SGPP2: variants seen among roughly 807,000 people sequenced by gnomAD.
SGPP2 encodes sphingosine 1-phosphate phosphohydrolase 2.
Under a neutral mutation model 33.9 loss-of-function variants are expected in SGPP2, and 30 were observed. The observed-to-expected ratio is 0.89, with a 90% confidence interval of 0.66 to 1.20. The LOEUF (loss-of-function observed/expected upper bound fraction) is 1.20. Among genes scored for constraint, SGPP2 ranks in the 50% most tolerant of loss-of-function variants. The pLI is 0.00. For missense variants in SGPP2, 458 were observed against 532.1 expected (o/e 0.86, Z 1.37); for synonymous variants, 233 against 225.0 (o/e 1.04, Z -0.32).
chr2:222,433,903 G>T (rs1478853032), intron 1 of SGPP2, among the ~76,000 whole-genome samples: 2 of 152,158 alleles, frequency 1.3e-5, no homozygotes, highest in African/African-American at 4.8e-5. Context: ...CAGCCGGCCT[G>T]GTGTGATTTT....
At chr2:222,487,383 C>T (rs919584339) in intron 2 of SGPP2, among the ~76,000 whole-genome samples, 5 of 152,162 alleles carry the variant, frequency 3.3e-5, no homozygotes, top group Non-Finnish European at 4.4e-5. Context: ...TTACTAATAA[C>T]TAACAAATTG....
At chr2:222,494,431 A>G (rs1194473830) in intron 2 of SGPP2, among the ~76,000 whole-genome samples, 1 of 152,238 alleles carries the variant, frequency 6.6e-6, no homozygotes, top group Non-Finnish European at 1.5e-5. Flanking sequence ...TCCTTATGAA[A>G]TTTCAGAGAA....
intron 4 of SGPP2, among the ~76,000 whole-genome samples, chr2:222,557,262 TGGTTCAC>T (rs1418512693): frequency 1.3e-5 from 2 of 152,232 alleles, no homozygotes; most frequent in Non-Finnish European, 2.9e-5. Context: ...GGTGTATGTT[TGGTTCAC>T]GTGGATCCTC....
At chr2:222,512,160 C>T (rs910188224) in intron 2 of SGPP2, among the ~76,000 whole-genome samples, 2 of 151,946 alleles carry the variant, frequency 1.3e-5, no homozygotes, top group East Asian at 1.9e-4. Context: ...TACAGGCGCC[C>T]GCCACCACGC....
intron 4 of SGPP2, among the ~76,000 whole-genome samples, chr2:222,545,174 T>C (rs1353366417): frequency 6.6e-6 from 1 of 152,208 alleles, no homozygotes; most frequent in East Asian, 1.9e-4. Context: ...TTGCATTTAT[T>C]ATGATTTCTT....
intron 4 of SGPP2, among the ~76,000 whole-genome samples, chr2:222,541,191 C>T (rs1301275755): frequency 6.6e-6 from 1 of 152,148 alleles, no homozygotes; most frequent in Non-Finnish European, 1.5e-5. Context: ...GCATGGATGC[C>T]CACTTTCGTG....
chr2:222,531,439 A>G (rs1002046467), intron 4 of SGPP2, among the ~76,000 whole-genome samples: 27 of 152,206 alleles, frequency 1.8e-4, no homozygotes, highest in Admixed American at 1.5e-3. Context: ...GAAATCTTAT[A>G]TGATTCCACT....
chr2:222,537,016 T>C (rs566688902), intron 4 of SGPP2, among the ~76,000 whole-genome samples: 7 of 152,326 alleles, frequency 4.6e-5, no homozygotes, highest in African/African-American at 1.2e-4. Context: ...AATGAACTCC[T>C]TAGAAAAGAA....
intron 2 of SGPP2, among the ~76,000 whole-genome samples, chr2:222,499,681 C>T (rs1698337467): frequency 6.6e-6 from 1 of 151,978 alleles, no homozygotes; most frequent in African/African-American, 2.4e-5. Context: ...GGAAAGACAT[C>T]TTGCAACCAA....
intron 1 of SGPP2, among the ~76,000 whole-genome samples, chr2:222,462,403 C>T (rs2106085441): frequency 6.6e-6 from 1 of 152,232 alleles, no homozygotes; most frequent in South Asian, 2.1e-4. Flanking sequence ...TGACAAGACT[C>T]ATGCTCACGT....
chr2:222,505,925 ACT>A (rs1382523955), intron 2 of SGPP2, among the ~76,000 whole-genome samples: 56 of 140,842 alleles, frequency 4.0e-4, no homozygotes, highest in Non-Finnish European at 4.1e-4. Context: ...GCTGAGTGAA[ACT>A]CTGTCTCAAA....
intron 4 of SGPP2, among the ~76,000 whole-genome samples, chr2:222,538,344 G>C (rs56244562): frequency 0.15 from 22,131 of 152,024 alleles, 2,503 homozygotes; most frequent in East Asian, 0.55. Flanking sequence ...TGAGAGAAAG[G>C]GAGAGGAAGA....
intron 4 of SGPP2, among the ~76,000 whole-genome samples, chr2:222,549,829 C>A (rs993619825): frequency 6.6e-6 from 1 of 151,358 alleles, no homozygotes; most frequent in Non-Finnish European, 1.5e-5. Context: ...ACAATGCAAT[C>A]CATAGGGTAA....
intron 2 of SGPP2, among the ~76,000 whole-genome samples, chr2:222,487,368 G>A (rs190232985): frequency 3.3e-4 from 50 of 152,226 alleles, no homozygotes; most frequent in Admixed American, 2.3e-3. Flanking sequence ...ATTGTAGTTC[G>A]GCCTTTACTA....
At chr2:222,554,392 G>A (rs1229318062) in intron 4 of SGPP2, among the ~76,000 whole-genome samples, 1 of 152,184 alleles carries the variant, frequency 6.6e-6, no homozygotes, top group East Asian at 1.9e-4. Flanking sequence ...TCTATAGGTG[G>A]AACTTGGGTT....
At chr2:222,453,930 A>G (rs1220135945) in intron 1 of SGPP2, among the ~76,000 whole-genome samples, 1 of 152,210 alleles carries the variant, frequency 6.6e-6, no homozygotes, top group Non-Finnish European at 1.5e-5. Flanking sequence ...TCACTTGTCC[A>G]GGGCCACACA....
rs114378718 is a variant in SGPP2 at position 222,519,724 on chromosome 2, C to T, written c.379-2043C>T. Among the ~76,000 whole-genome samples, 1,177 of 152,272 alleles carry T rather than the reference C, an allele frequency of 7.7e-3. 10 individuals carry two copies. Among genetic ancestry groups the T allele is most frequent in the African/African-American group, 0.026 (1,066 of 41,552 alleles). ...TTGTTCCCGTGTTTATGTCCTTGTG[C>T]GCTCAATGTTTAGCTCATAGTTATA... On this transcript the variant is annotated intron_variant, in intron 2 of 4. Coordinates refer to ENST00000321276, the MANE Select transcript of SGPP2 (RefSeq NM_152386.4).
At chr2:222,485,475 C>T (rs1055790232) in intron 2 of SGPP2, among the ~76,000 whole-genome samples, 8 of 152,166 alleles carry the variant, frequency 5.3e-5, no homozygotes, top group South Asian at 4.1e-4. Flanking sequence ...ACTTTTGTTT[C>T]GGAGCTGGAG....
chr2:222,530,116 T>C (rs1407499495), intron 4 of SGPP2, among the ~76,000 whole-genome samples: 1 of 152,212 alleles, frequency 6.6e-6, no homozygotes, highest in Non-Finnish European at 1.5e-5. Context: ...TTCAGTAAAT[T>C]ATGCTGCAAA....
Sources: gnomAD v4.1 joint callset for allele counts (sites outside exome capture counted in the v4.1 genomes callset) on GRCh38, gnomAD v4.1.1 for gene constraint, MANE v1.5 for transcripts, NCBI Gene and HGNC (gene_info 2026-07-23, HGNC 2026-07-21) for gene names.